LRRC15: variants seen among roughly 807,000 people sequenced by gnomAD.
The protein encoded by LRRC15 is leucine rich repeat containing 15.
Under a neutral mutation model 4.3 loss-of-function variants are expected in LRRC15, and 5 were observed. The ratio of observed to expected loss-of-function variants is 1.16; its 90% CI spans 0.61 to 2.44. LRRC15 has a LOEUF of 2.44. Ranked by LOEUF, LRRC15 falls within the 30% of genes most tolerant of loss-of-function variation. The pLI is 0.01. For missense variants in LRRC15, 769 were observed against 747.0 expected, an observed-to-expected ratio of 1.03 and a Z score of -0.34; for synonymous variants, 337 against 323.2, an observed-to-expected ratio of 1.04 and a Z score of -0.46.
Position 194,356,975 on chromosome 3 carries a change from G to A in LRRC15, c.*2323C>T, listed in dbSNP as rs1449901618. 1 of 152,314 alleles carries A rather than the reference G, an allele frequency of 6.6e-6. No individual in the cohort carries two copies. The highest frequency in any genetic ancestry group is 1.5e-5 in the Non-Finnish European group (1 of 68,086). The allele number at this position is 152,314 out of a possible 1,614,324, so 9.4% of individuals were successfully genotyped here. A position where few individuals can be genotyped will look rare whatever the true frequency, so the allele number is the denominator to read the frequency against. On this transcript the variant is annotated 3_prime_UTR_variant, in exon 2 of 2. Coordinates refer to ENST00000347624, the MANE Select transcript of LRRC15 (RefSeq NM_130830.5). ...GTGCCATGCTCTGGGCTCACTTCCT[G>A]TTGGCTCTGGCAAGCCTTGGTGCAT...
At chr3:194,368,705 CAG>C (rs779531836) in intron 1 of LRRC15, among the ~76,000 whole-genome samples, 2 of 152,110 alleles carry the variant, frequency 1.3e-5, no homozygotes, top group Admixed American at 6.6e-5. Context: ...CGTGTCATCT[CAG>C]AGAGAGTGCA....
chr3:194,361,559 T>C (rs111252012), intron 1 of LRRC15, among the ~76,000 whole-genome samples: 1 of 152,230 alleles, frequency 6.6e-6, no homozygotes, highest in Non-Finnish European at 1.5e-5. Context: ...ATCATCTGAA[T>C]GTGCTGGTTA....
chr3:194,360,835 T>C lies in LRRC15; in HGVS notation c.209A>G (p.Glu70Gly). 1 of 1,613,876 alleles carries C rather than the reference T, an allele frequency of 6.2e-7. No homozygotes were observed. The highest frequency in any genetic ancestry group is 8.5e-7 in the Non-Finnish European group (1 of 1,179,870). ...ILNTHITELN[E>G]SPFLNISALI... ...GGCTGAGATATTGAGGAACGGGGAC[T>C]CATTGAGTTCAGTGATGTGCGTGTT... Residue 70 changes from glutamate to glycine, a missense_variant, in exon 2 of 2, where the codon GAG (glutamate) becomes GGG (glycine). Physicochemically the swap from Glu to Gly is moderately conservative, Grantham distance 98 (BLOSUM62 -2). Coordinates refer to ENST00000347624, the MANE Select transcript of LRRC15 (RefSeq NM_130830.5).
chr3:194,361,030 T>A lies in LRRC15; in HGVS notation c.14A>T (p.His5Leu). The A allele has an allele frequency of 1.3e-6, 2 of 1,514,136 alleles. No homozygotes were observed. The highest frequency in any genetic ancestry group is 1.8e-6 in the Non-Finnish European group (2 of 1,138,086). 93.8% of individuals were successfully genotyped at this position (1,514,136 alleles called of 1,614,324 possible). The change falls in exon 2 of 2, where the codon CAT (histidine) becomes CTT (leucine). Residue 5 changes from histidine (H) to leucine (L), a missense_variant. By Grantham distance (99) the His-to-Leu change is moderately conservative. Transcript: ENST00000347624. MPLK[H>L]YLLLLVGCQA... ...GCAGCCCACCAGCAAAAGGAGATAA[T>A]GCTTCAGTGGCATAGCCTGTGCAAG...
chr3:194,361,091 G>A (rs1220593408), intron 1 of LRRC15, 45 bp from the exon 2 acceptor site: 17 of 1,449,024 alleles, frequency 1.2e-5, no homozygotes, highest in Admixed American at 5.3e-5. Context: ...TCCTCTACCT[G>A]ACACTGGCAA....
chr3:194,363,209 G>C (rs1420412975), intron 1 of LRRC15: 3 of 459,304 alleles, frequency 6.5e-6, no homozygotes, highest in Non-Finnish European at 1.2e-5. Context: ...AAAGTGCTGG[G>C]ATTACAGGCA....
rs372779978 is a variant in LRRC15 at position 194,360,176 on chromosome 3, C to T, written c.868G>A (p.Gly290Arg). 1.2e-5 allele frequency: 19 copies of T among 1,613,762 alleles called. No individual in the cohort carries two copies. The highest frequency in any genetic ancestry group is 1.6e-4 in the Middle Eastern group (1 of 6,062). Residue 290 changes from glycine to arginine, a missense_variant, in exon 2 of 2, where the codon GGG (glycine) becomes AGG (arginine). Transcript: ENST00000347624. The part of the protein sequence containing the change: ...SLKELSPGIF[G>R]PMPNLRELWL... The stretch of plus-strand genomic sequence containing the variant: ...AGCTCCCGCAGGTTGGGCATGGGCC[C>T]GAAGATCCCCGGAGAGAGCTCCTTC...
At chr3:194,367,505 G>A (rs935691172) in intron 1 of LRRC15, among the ~76,000 whole-genome samples, 2 of 152,014 alleles carry the variant, frequency 1.3e-5, no homozygotes, top group African/African-American at 4.8e-5. Context: ...ACAGGGTTTC[G>A]TCGTGTTAGC....
chr3:194,366,549 G>A (rs899031416), intron 1 of LRRC15, among the ~76,000 whole-genome samples: 2 of 152,136 alleles, frequency 1.3e-5, no homozygotes, highest in African/African-American at 4.8e-5. Flanking sequence ...GAGAACCCAG[G>A]CTCAGACCTT....
At chr3:194,369,116 T>C (rs939674414) in intron 1 of LRRC15, among the ~76,000 whole-genome samples, 3 of 151,996 alleles carry the variant, frequency 2.0e-5, no homozygotes, top group Non-Finnish European at 4.4e-5. Context: ...CTTGCAGGAG[T>C]TATCCATCTA....
intron 1 of LRRC15, among the ~76,000 whole-genome samples, chr3:194,361,442 G>A (rs1232138771): frequency 6.6e-6 from 1 of 152,054 alleles, no homozygotes; most frequent in Non-Finnish European, 1.5e-5. Context: ...TCCCCTGTCT[G>A]TCTCCTTCCC....
In LRRC15 at chr3:194,367,982, C is replaced by T. The variant is rs532558676; in HGVS notation, c.-4+1679G>A. ...AGGGTGGCAGGAGAAACTGACAAACCGCCCAGCAGAACAGGAGAACTGCCC... is the reference window on the plus strand; with the variant it reads ...AGGGTGGCAGGAGAAACTGACAAACTGCCCAGCAGAACAGGAGAACTGCCC... On this transcript the variant is annotated intron_variant, in intron 1 of 1. Transcript: ENST00000347624. 1.2e-4 allele frequency among the ~76,000 whole-genome samples: 19 copies of T among 152,342 alleles called. No homozygotes were observed. The East Asian group carries it at 2.5e-3, about 20-fold the overall frequency.
rs1390533149 is a variant in LRRC15, at chr3:194,359,226, G to T, written c.*72C>A. ...ACGGGAAAGCTCCATGGACCCAGGG[G>T]TGGAGGCAGAAAGATGAAATTCCCA... On this transcript the variant is annotated 3_prime_UTR_variant, in exon 2 of 2. Transcript: ENST00000347624. 5.0e-6 allele frequency: 7 copies of T among 1,396,266 alleles called. No homozygotes were observed. Among genetic ancestry groups the T allele is most frequent in the Non-Finnish European group, 6.8e-6 (7 of 1,028,928 alleles). 86.5% of individuals were successfully genotyped at this position (1,396,266 alleles called of 1,614,324 possible).
chr3:194,365,343 C>T (rs57220648), intron 1 of LRRC15, among the ~76,000 whole-genome samples: 5,666 of 152,272 alleles, frequency 0.037, 286 homozygotes, highest in African/African-American at 0.12. Flanking sequence ...CCGTGACTCA[C>T]GAGCAAACGC....
In LRRC15 at chr3:194,360,443, C is replaced by T. The variant is rs774530784; in HGVS notation, c.601G>A (p.Val201Ile). 1.9e-6 allele frequency: 3 copies of T among 1,614,138 alleles called. No individual in the cohort carries two copies. Among genetic ancestry groups the T allele is most frequent in the Non-Finnish European group, 8.5e-7 (1 of 1,180,032 alleles). ...RVFQHLGNLQ[V>I]LRLYENRLTD... ...AGCCTGTTCTCATACAGCCGGAGGA[C>T]CTGGAGGTTGCCCAGGTGCTGGAAG... Residue 201 changes from valine to isoleucine, a missense_variant, in exon 2 of 2, where the codon GTC becomes ATC. Coordinates refer to ENST00000347624, the MANE Select transcript of LRRC15 (RefSeq NM_130830.5).
rs1576998931 is a variant in LRRC15, at chr3:194,360,453, G to A, written c.591C>T (p.Gly197=). 6.2e-7 allele frequency: 1 copy of A among 1,614,128 alleles called. No individual in the cohort carries two copies. The highest frequency in any genetic ancestry group is 8.5e-7 in the Non-Finnish European group (1 of 1,179,994). ...CATACAGCCGGAGGACCTGGAGGTT[G>A]CCCAGGTGCTGGAAGACCCTGGGTG... ...HISPRVFQHL[G]NLQVLRLYEN... Residue 197 remains glycine, a synonymous_variant, in exon 2 of 2, where the codon GGC becomes GGT. Coordinates refer to ENST00000347624, the MANE Select transcript of LRRC15 (RefSeq NM_130830.5).
rs73081777 is a variant in LRRC15, at chr3:194,359,214, A to C, written c.*84T>G. 34,830 of 1,323,542 alleles carry C rather than the reference A, an allele frequency of 0.026. 572 individuals are homozygous for C. Among genetic ancestry groups the C allele is most frequent in the African/African-American group, 0.08 (5,413 of 68,032 alleles). 82.0% of individuals were successfully genotyped at this position (1,323,542 alleles called of 1,614,324 possible). On this transcript the variant is annotated 3_prime_UTR_variant, in exon 2 of 2. Coordinates refer to ENST00000347624, the MANE Select transcript of LRRC15 (RefSeq NM_130830.5). ...GAAAGAGCAATCACGGGAAAGCTCC[A>C]TGGACCCAGGGGTGGAGGCAGAAAG...
At position 194,359,562 on chromosome 3, in the gene LRRC15, G is replaced by T. The variant is rs1187790480; in HGVS notation, c.1482C>A (p.Pro494=). ...YPETPWYPDT[P]SYPDTTSVSS... is the part of the protein sequence containing the mutation. Reference sequence around the variant, plus strand: ...AGACGGATGTGGTGTCAGGGTAACTGGGTGTGTCTGGGTACCATGGTGTTT... The same window carrying T: ...AGACGGATGTGGTGTCAGGGTAACTTGGTGTGTCTGGGTACCATGGTGTTT... The change falls in exon 2 of 2, where the codon CCC becomes CCA. Residue 494 remains proline, a synonymous_variant. Transcript: ENST00000347624. The T allele has an allele frequency of 1.2e-6, 2 of 1,613,894 alleles. No homozygotes were observed. The highest frequency in any genetic ancestry group is 2.7e-5 in the African/African-American group (2 of 74,934).
chr3:194,366,041 G>A (rs540002742), intron 1 of LRRC15, among the ~76,000 whole-genome samples: 5 of 152,320 alleles, frequency 3.3e-5, no homozygotes, highest in South Asian at 2.1e-4. Flanking sequence ...GAGGGCTCCC[G>A]AGGAAGATGT....
Sources: allele counts gnomAD v4.1 joint callset (sites outside exome capture counted in the v4.1 genomes callset), GRCh38; gene constraint gnomAD v4.1.1; transcripts MANE v1.5; gene names NCBI Gene and HGNC (gene_info 2026-07-23, HGNC 2026-07-21).